Variants in BLMH observed in about 807,000 individuals in gnomAD.
BLMH encodes bleomycin hydrolase.
BLMH carries 32 observed loss-of-function variants against 61.6 expected under a neutral mutation model. The observed-to-expected ratio is 0.52, with a 90% CI of 0.39 to 0.70. The LOEUF (loss-of-function observed/expected upper bound fraction) is 0.70. Ranked by LOEUF, BLMH falls within the 30% of genes least tolerant of loss-of-function variation. The probability of loss-of-function intolerance (pLI) is 0.00; values close to 1 mark genes in which losing one functional copy is unlikely to be tolerated. For synonymous variants in BLMH, 183 were observed against 193.8 expected (o/e 0.94, Z 0.46); for missense variants, 460 against 555.5 (o/e 0.83, Z 1.73).
intron 9 of BLMH, 191 bp from the exon 10 acceptor site, chr17:30,271,579 T>C: frequency 2.0e-6 from 1 of 503,878 alleles, no homozygotes; most frequent in Non-Finnish European, 3.6e-6. Context: ...CCATTCTCTA[T>C]GTGTCACAAG....
chr17:30,266,539 G>GA (rs1270602877), intron 11 of BLMH, among the ~76,000 whole-genome samples: 15 of 133,720 alleles, frequency 1.1e-4, no homozygotes, highest in East Asian at 4.2e-4. Flanking sequence ...AAAAAAAAAA[G>GA]AAAAAAAAAA....
At position 30,291,827 on chromosome 17, in the gene BLMH, A is replaced by C. The variant is rs1908903229; in HGVS notation, c.-8T>G. The stretch of plus-strand genomic sequence containing the variant: ...CTCACCCGAGCTGCTCATGGCGCCC[A>C]CGCTGCCCGGCGGGGTAACGGTAGC... On this transcript the variant is annotated 5_prime_UTR_variant, in exon 1 of 12. Coordinates refer to ENST00000261714, the MANE Select transcript of BLMH (RefSeq NM_000386.4). 2 of 1,340,972 alleles carry C rather than the reference A, an allele frequency of 1.5e-6. No homozygotes were observed. Among genetic ancestry groups the C allele is most frequent in the East Asian group, 5.6e-5 (2 of 35,414 alleles). The allele number at this position is 1,340,972 out of a possible 1,614,324, so 83.1% of individuals were successfully genotyped here.
Position 30,289,380 on chromosome 17 carries a change from CA to C in BLMH, c.313del (p.Trp105GlyfsTer11). The part of the protein sequence containing the change: ...FEFSQSYLFF[W>X]DKVERCYFFL... ...GCCAGATCTGTCCCATACCTTGTCC[CA>C]AAAAAACAGGTAAGATTGGCTAAAC... On this transcript the variant is annotated frameshift_variant, in exon 3 of 12. Coordinates refer to ENST00000261714, the MANE Select transcript of BLMH (RefSeq NM_000386.4). LOFTEE classifies it high-confidence loss of function. The C allele has an allele frequency of 2.5e-6, 4 of 1,598,538 alleles. No individual in the cohort carries two copies. The highest frequency in any genetic ancestry group is 3.4e-5 in the Admixed American group (2 of 59,588).
At chr17:30,262,855 T>G (rs1907999795) in intron 11 of BLMH, among the ~76,000 whole-genome samples, 3 of 152,140 alleles carry the variant, frequency 2.0e-5, no homozygotes, top group Non-Finnish European at 4.4e-5. Context: ...TAAAGCAGCA[T>G]GGACAAAATT....
At chr17:30,288,057 GTTT>G (rs918377235) in intron 3 of BLMH, 110 bp from the exon 4 acceptor site, 24 of 1,139,694 alleles carry the variant, frequency 2.1e-5, no homozygotes, top group Non-Finnish European at 2.8e-5. Context: ...CAACATAATA[GTTT>G]TTTTTCTTTT....
chr17:30,291,321 C>T lies in BLMH; in HGVS notation c.201G>A (p.Gln67=). 6.2e-7 allele frequency: 1 copy of T among 1,612,350 alleles called. No individual in the cohort carries two copies. Among genetic ancestry groups the T allele is most frequent in the South Asian group, 1.1e-5 (1 of 91,044 alleles). Reference sequence around the variant, plus strand: ...AGTGGAAGCCCACACCTGAGCTCTTCTGGTTGGTGATTGGCTTGCCCTCCT... The same window carrying T: ...AGTGGAAGCCCACACCTGAGCTCTTTTGGTTGGTGATTGGCTTGCCCTCCT... ...VPQEGKPITN[Q]KSSGRCWIFS... The change falls in exon 2 of 12, where the codon CAG becomes CAA. Residue 67 remains glutamine, a synonymous_variant. Coordinates refer to ENST00000261714, the MANE Select transcript of BLMH (RefSeq NM_000386.4).
chr17:30,287,717 T>C, intron 4 of BLMH, 89 bp downstream of exon 4: 2 of 1,483,208 alleles, frequency 1.3e-6, no homozygotes, highest in Non-Finnish European at 1.9e-6. Context: ...TTCTACTCTG[T>C]ACACAACCAC....
intron 11 of BLMH, among the ~76,000 whole-genome samples, chr17:30,256,405 T>G (rs1013944440): frequency 1.3e-5 from 2 of 152,206 alleles, no homozygotes; most frequent in Admixed American, 6.5e-5. Context: ...CTCAGTTCAC[T>G]GCAACCTCTG....
intron 11 of BLMH, among the ~76,000 whole-genome samples, chr17:30,253,809 G>C (rs1026571139): frequency 6.6e-6 from 1 of 152,176 alleles, no homozygotes; most frequent in African/African-American, 2.4e-5. Context: ...TTAATGTCTT[G>C]TTTACATGCG....
chr17:30,277,976 A>G (rs1268037475), intron 6 of BLMH, among the ~76,000 whole-genome samples: 2 of 152,140 alleles, frequency 1.3e-5, no homozygotes, highest in Non-Finnish European at 2.9e-5. Flanking sequence ...GACATGTTGC[A>G]TTGTTTTATA....
At position 30,262,961 on chromosome 17, in the gene BLMH, C is replaced by T. The variant is rs77539784; in HGVS notation, c.1216+3924G>A. 4.7e-3 allele frequency among the ~76,000 whole-genome samples: 712 copies of T among 152,326 alleles called. 4 individuals carry two copies. Among genetic ancestry groups the T allele is most frequent in the African/African-American group, 0.016 (669 of 41,566 alleles). On this transcript the variant is annotated intron_variant, in intron 11 of 11. Transcript: ENST00000261714. ...CTCACAGAATGCCCCAATCTCCACT[C>T]TTTACTCAGATTCCCAGCCACAAAT...
rs753654516 is a variant in BLMH, at chr17:30,268,702, GTTTT to G, written c.1147-1752_1147-1749del. Among the ~76,000 whole-genome samples, 439 of 150,894 alleles carry G rather than the reference GTTTT, an allele frequency of 2.9e-3. 2 individuals are homozygous for G. Among genetic ancestry groups the G allele is most frequent in the Non-Finnish European group, 3.4e-3 (233 of 67,904 alleles). ...GCTGAATTTTTCTTGGAAATTACAA[GTTTT>G]TGTTTGTTTGTTTTTTTAAAAACAA... On this transcript the variant is annotated intron_variant, in intron 10 of 11. Transcript: ENST00000261714.
At chr17:30,253,553 A>G (rs1036099857) in intron 11 of BLMH, among the ~76,000 whole-genome samples, 1 of 152,188 alleles carries the variant, frequency 6.6e-6, no homozygotes, top group African/African-American at 2.4e-5. Flanking sequence ...GTGTGTCTGA[A>G]ACCTGTGTAG....
chr17:30,289,389 A>T lies in BLMH; in HGVS notation c.305T>A (p.Leu102Gln). The T allele has an allele frequency of 6.2e-7, 1 of 1,605,524 alleles. No individual in the cohort carries two copies. The highest frequency in any genetic ancestry group is 8.5e-7 in the Non-Finnish European group (1 of 1,172,998). Residue 102 changes from leucine to glutamine, a missense_variant, in exon 3 of 12, where the codon CTG becomes CAG. By Grantham distance (113) the Leu-to-Gln change is moderately radical. Transcript: ENST00000261714. ...IEEFEFSQSYLFFWDKVERCY... is the reference protein window; with the variant it reads ...IEEFEFSQSYQFFWDKVERCY... ...GTCCCATACCTTGTCCCAAAAAAACAGGTAAGATTGGCTAAACTCAAATTC... is the reference window on the plus strand; with the variant it reads ...GTCCCATACCTTGTCCCAAAAAAACTGGTAAGATTGGCTAAACTCAAATTC...
chr17:30,269,018 C>G (rs757418515), intron 10 of BLMH, among the ~76,000 whole-genome samples: 1 of 149,664 alleles, frequency 6.7e-6, no homozygotes, highest in South Asian at 2.1e-4. Context: ...CCAGCCTGGG[C>G]GACAGAGCAA....
intron 4 of BLMH, among the ~76,000 whole-genome samples, chr17:30,287,190 C>T (rs1480970386): frequency 2.0e-5 from 3 of 151,982 alleles, no homozygotes; most frequent in Non-Finnish European, 4.4e-5. Context: ...CCATGTGCAG[C>T]TATTTGTTTT....
chr17:30,273,036 G>A lies in BLMH; in HGVS notation c.802-137C>T, dbSNP rs1908318593. 3.1e-6 allele frequency: 3 copies of A among 963,506 alleles called. No homozygotes were observed. The South Asian group carries it at 5.2e-5, about 17-fold the overall frequency. The allele number at this position is 963,506 out of a possible 1,614,324, so 59.7% of individuals were successfully genotyped here. A position where few individuals can be genotyped will look rare whatever the true frequency, so the allele number is the denominator to read the frequency against. On this transcript the variant is annotated intron_variant, in intron 7 of 11. Coordinates refer to ENST00000261714, the MANE Select transcript of BLMH (RefSeq NM_000386.4). ...CTAAGTACTACAGCCACATTGTTAA[G>A]TAACAAAGAAACACAAGGTGGCAAA...
intron 11 of BLMH, among the ~76,000 whole-genome samples, chr17:30,258,716 A>C (rs1907880843): frequency 6.6e-6 from 1 of 152,204 alleles, no homozygotes. Context: ...AGGATCTCTG[A>C]GGGTGAACCC....
chr17:30,260,412 C>G (rs945012220), intron 11 of BLMH, among the ~76,000 whole-genome samples: 4 of 152,340 alleles, frequency 2.6e-5, no homozygotes, highest in African/African-American at 9.6e-5. Flanking sequence ...GTTAGGAGCT[C>G]TGTCACATAG....
Sources: gnomAD v4.1 joint callset for allele counts (sites outside exome capture counted in the v4.1 genomes callset) on GRCh38, gnomAD v4.1.1 for gene constraint, MANE v1.5 for transcripts, NCBI Gene and HGNC (gene_info 2026-07-23, HGNC 2026-07-21) for gene names.